Variants in ACVR1 observed in about 807,000 individuals in gnomAD.
ACVR1 encodes activin receptor type-1.
ACVR1 carries 38 observed loss-of-function variants against 57.1 expected under a neutral mutation model. The ratio of observed to expected loss-of-function variants is 0.67; its 90% CI spans 0.51 to 0.87. The LOEUF (loss-of-function observed/expected upper bound fraction) is 0.87, where lower values mean the gene tolerates loss of function less well. Among genes scored for constraint, ACVR1 ranks in the 40% least tolerant of loss-of-function variants. The pLI is 0.00. For missense variants in ACVR1, 463 were observed against 638.2 expected (o/e 0.73, Z 2.96); for synonymous variants, 212 against 228.1 (o/e 0.93, Z 0.63).
chr2:157,854,041 G>A lies in ACVR1; in HGVS notation c.-183+21755C>T, dbSNP rs185336122. Reference sequence around the variant, plus strand: ...AGCTGTACTGTAATCACTGATTTACGTGTTCCTTTTACTAAGCCATGAATT... The same window carrying A: ...AGCTGTACTGTAATCACTGATTTACATGTTCCTTTTACTAAGCCATGAATT... On this transcript the variant is annotated intron_variant, in intron 1 of 10. Coordinates refer to ENST00000434821, the MANE Select transcript of ACVR1 (RefSeq NM_001111067.4). Among the ~76,000 whole-genome samples the A allele has an allele frequency of 8.5e-4, 129 of 152,136 alleles. 1 individual carries two copies. The South Asian group carries it at 0.02, about 24-fold the overall frequency.
chr2:157,749,923 CCT>C (rs1685115200), intron 9 of ACVR1, among the ~76,000 whole-genome samples: 1 of 152,244 alleles, frequency 6.6e-6, no homozygotes, highest in Non-Finnish European at 1.5e-5. Context: ...CAGTGCTGCC[CCT>C]GTCAGGGCCC....
chr2:157,772,897 C>T (rs985216575), intron 6 of ACVR1, among the ~76,000 whole-genome samples: 4 of 152,222 alleles, frequency 2.6e-5, no homozygotes, highest in African/African-American at 9.6e-5. Flanking sequence ...GCTGGTTACT[C>T]CTGTGCCTTG....
intron 7 of ACVR1, among the ~76,000 whole-genome samples, chr2:157,767,854 C>G (rs528822228): frequency 6.6e-6 from 1 of 152,048 alleles, no homozygotes; most frequent in Non-Finnish European, 1.5e-5. Flanking sequence ...AAGAAAGGTC[C>G]CCTATTTGAT....
chr2:157,859,633 A>G (rs1689656809), intron 1 of ACVR1, among the ~76,000 whole-genome samples: 1 of 151,988 alleles, frequency 6.6e-6, no homozygotes, highest in South Asian at 2.1e-4. Flanking sequence ...TTCCTACTCT[A>G]TTCCACCCTA....
At chr2:157,834,330 T>A (rs1374789933) in intron 1 of ACVR1, among the ~76,000 whole-genome samples, 1 of 152,060 alleles carries the variant, frequency 6.6e-6, no homozygotes. Context: ...TGACCTCAGG[T>A]GATCTGCCTG....
chr2:157,805,861 T>G (rs2105313989), intron 2 of ACVR1, among the ~76,000 whole-genome samples: 1 of 149,268 alleles, frequency 6.7e-6, no homozygotes, highest in East Asian at 2.0e-4. Flanking sequence ...TCTTGCTCTG[T>G]GGCCCAGGCT....
chr2:157,772,408 TACCA>T (rs1452927771), intron 6 of ACVR1, among the ~76,000 whole-genome samples: 1 of 152,220 alleles, frequency 6.6e-6, no homozygotes, highest in Non-Finnish European at 1.5e-5. Flanking sequence ...CTAAAAGCTG[TACCA>T]CATGAACACA....
Position 157,820,432 on chromosome 2 carries a change from A to C in ACVR1, c.-182-1873T>G, listed in dbSNP as rs186905001. Among the ~76,000 whole-genome samples, 578 of 152,366 alleles carry C rather than the reference A, an allele frequency of 3.8e-3. 2 individuals are homozygous for C. The highest frequency in any genetic ancestry group is 6.6e-3 in the Non-Finnish European group (447 of 68,032). ...TCTAACCGCATTTTAAGAGGAGGCC[A>C]GTGTTCAGCTGTCCTGCCTAGGGTC... On this transcript the variant is annotated intron_variant, in intron 1 of 10. Transcript: ENST00000434821.
At chr2:157,804,315 C>A (rs1192459383) in intron 2 of ACVR1, among the ~76,000 whole-genome samples, 1 of 152,142 alleles carries the variant, frequency 6.6e-6, no homozygotes, top group Non-Finnish European at 1.5e-5. Context: ...ATTTCATTAA[C>A]CTCTCTAACA....
At chr2:157,752,546 T>C (rs921943716) in intron 9 of ACVR1, among the ~76,000 whole-genome samples, 1 of 152,056 alleles carries the variant, frequency 6.6e-6, no homozygotes, top group Admixed American at 6.6e-5. Context: ...AAGTCCAAAT[T>C]AAGGAAATCC....
intron 9 of ACVR1, among the ~76,000 whole-genome samples, chr2:157,741,111 CAA>C (rs921258752): frequency 5.9e-5 from 9 of 152,076 alleles, no homozygotes; most frequent in African/African-American, 1.9e-4. Context: ...CCAAGGAAAT[CAA>C]AAGTCTAGTG....
In ACVR1 at chr2:157,783,238, T is replaced by C. The variant is rs1025984735; in HGVS notation, c.68-2638A>G. The stretch of plus-strand genomic sequence containing the variant: ...TAATGTGCTCTCAAAATAAACTGTT[T>C]TTAAAGTTCCATCCCAAACTAAATT... On this transcript the variant is annotated intron_variant, in intron 3 of 10. Transcript: ENST00000434821. Among the ~76,000 whole-genome samples the C allele has an allele frequency of 2.6e-5, 4 of 152,212 alleles. No homozygotes were observed. In the South Asian group the frequency reaches 8.3e-4, roughly 31 times the overall value.
chr2:157,738,372 A>T (rs1343018225), intron 10 of ACVR1, 68 bp downstream of exon 10: 2 of 1,610,294 alleles, frequency 1.2e-6, no homozygotes, highest in Non-Finnish European at 1.7e-6. Context: ...ATACCAGTTG[A>T]AACTCAAAGG....
Position 157,737,316 on chromosome 2 carries a change from G to C in ACVR1, c.*215C>G. 1 of 633,986 alleles carries C rather than the reference G, an allele frequency of 1.6e-6. No homozygotes were observed. Among genetic ancestry groups the C allele is most frequent in the Non-Finnish European group, 2.8e-6 (1 of 352,280 alleles). The allele number at this position is 633,986 out of a possible 1,614,324, so 39.3% of individuals were successfully genotyped here. On this transcript the variant is annotated 3_prime_UTR_variant, in exon 11 of 11. Transcript: ENST00000434821. ...AACATTAGTCTCTGCAGTGTGAACA[G>C]TTCGTGAAATGCCCAGTTCACAGTC... is the stretch of plus-strand genomic sequence containing the variant.
chr2:157,820,081 C>A (rs1688111134), intron 1 of ACVR1, among the ~76,000 whole-genome samples: 1 of 152,336 alleles, frequency 6.6e-6, no homozygotes, highest in East Asian at 1.9e-4. Context: ...TTTACAGATA[C>A]TATCAAACCG....
At chr2:157,782,859 T>C (rs926376821) in intron 3 of ACVR1, among the ~76,000 whole-genome samples, 6 of 152,180 alleles carry the variant, frequency 3.9e-5, no homozygotes, top group African/African-American at 1.4e-4. Flanking sequence ...TAAAAGATCA[T>C]AGATACCCCA....
chr2:157,866,590 T>C lies in ACVR1; in HGVS notation c.-183+9206A>G, dbSNP rs375364181. Among the ~76,000 whole-genome samples, 58 of 152,314 alleles carry C rather than the reference T, an allele frequency of 3.8e-4. No homozygotes were observed. In the South Asian group the frequency reaches 9.7e-3, roughly 26 times the overall value. On this transcript the variant is annotated intron_variant, in intron 1 of 10. Coordinates refer to ENST00000434821, the MANE Select transcript of ACVR1 (RefSeq NM_001111067.4). ...GGCAACTTCTTTTTCACATTTTATA[T>C]CATCTATGATACCAAGAAAAGGTCA... is the stretch of plus-strand genomic sequence containing the variant.
intron 1 of ACVR1, among the ~76,000 whole-genome samples, chr2:157,819,713 G>T (rs1688091682): frequency 6.6e-6 from 1 of 151,464 alleles, no homozygotes; most frequent in Admixed American, 6.6e-5. Flanking sequence ...ACAATGGTGG[G>T]GAAGGAGTAC....
intron 2 of ACVR1, among the ~76,000 whole-genome samples, chr2:157,813,629 TC>T (rs1167848433): frequency 6.6e-6 from 1 of 152,152 alleles, no homozygotes; most frequent in South Asian, 2.1e-4. Flanking sequence ...ATGCAGATAA[TC>T]ACAGCAACAA....
Sources: gnomAD v4.1 joint callset for allele counts (sites outside exome capture counted in the v4.1 genomes callset) on GRCh38, gnomAD v4.1.1 for gene constraint, MANE v1.5 for transcripts, NCBI Gene and HGNC (gene_info 2026-07-23, HGNC 2026-07-21) for gene names.